The following MSRA variants were observed in gnomAD, a reference collection of about 807,000 sequenced individuals.
MSRA encodes the protein methionine sulfoxide reductase A, also known as mitochondrial peptide methionine sulfoxide reductase.
MSRA carries 54 observed loss-of-function variants against 31.3 expected under a neutral mutation model. The observed-to-expected ratio is 1.73, with a 90% CI of 1.39 to 2.17. MSRA has a LOEUF of 2.17. Among genes scored for constraint, MSRA ranks in the 30% most tolerant of loss-of-function variants. MSRA has a pLI of 0.00. For synonymous variants in MSRA, 169 were observed against 116.5 expected (o/e 1.45, Z -2.90); for missense variants, 507 against 300.9 (o/e 1.69, Z -5.07).
At chr8:10,057,573 G>T (rs1262841575) in intron 1 of MSRA, among the ~76,000 whole-genome samples, 3 of 152,098 alleles carry the variant, frequency 2.0e-5, no homozygotes, top group African/African-American at 7.2e-5. Flanking sequence ...ATCTCATTTC[G>T]AATTGTAATT....
At chr8:10,116,689 T>G (rs1310237831) in intron 1 of MSRA, among the ~76,000 whole-genome samples, 5 of 152,160 alleles carry the variant, frequency 3.3e-5, no homozygotes, top group African/African-American at 7.2e-5. Context: ...GATGGAGTTT[T>G]GAGATTACAG....
intron 1 of MSRA, chr8:10,096,061 A>C (rs1249391737): frequency 7.2e-7 from 1 of 1,386,908 alleles, no homozygotes; most frequent in East Asian, 2.6e-5. Flanking sequence ...TTTAGATTTT[A>C]TTTTATTTTA....
chr8:10,238,150 A>C (rs922169090), intron 2 of MSRA, among the ~76,000 whole-genome samples: 1 of 152,072 alleles, frequency 6.6e-6, no homozygotes, highest in African/African-American at 2.4e-5. Flanking sequence ...CCTGCCCCTT[A>C]GAAATAGCAG....
At chr8:10,185,808 A>G (rs1369700195) in intron 1 of MSRA, among the ~76,000 whole-genome samples, 2 of 151,968 alleles carry the variant, frequency 1.3e-5, no homozygotes, top group African/African-American at 4.8e-5. Context: ...GCAAGGCTCA[A>G]CTCTAATGCC....
intron 1 of MSRA, among the ~76,000 whole-genome samples, chr8:10,130,756 G>A (rs1002629617): frequency 1.3e-5 from 2 of 152,146 alleles, no homozygotes; most frequent in Non-Finnish European, 2.9e-5. Flanking sequence ...TGACAATTCT[G>A]GCGGTCGCTA....
chr8:10,147,555 A>C (rs906206715), intron 1 of MSRA, among the ~76,000 whole-genome samples: 1 of 152,204 alleles, frequency 6.6e-6, no homozygotes, highest in Non-Finnish European at 1.5e-5. Flanking sequence ...GGTGACGCCA[A>C]CCAACCGTGT....
At chr8:10,204,816 C>T (rs1022691803) in intron 1 of MSRA, among the ~76,000 whole-genome samples, 6 of 152,222 alleles carry the variant, frequency 3.9e-5, no homozygotes, top group Non-Finnish European at 8.8e-5. Context: ...AACAAATACT[C>T]ATCAAATGCC....
chr8:10,090,458 A>G (rs1309985444), intron 1 of MSRA, among the ~76,000 whole-genome samples: 1 of 152,204 alleles, frequency 6.6e-6, no homozygotes, highest in African/African-American at 2.4e-5. Flanking sequence ...AGAGGCTATA[A>G]AGGATTTTTG....
rs564352261 is a variant in MSRA, at chr8:10,375,821, T to C, written c.544-52327T>C. Reference sequence around the variant, plus strand: ...TGGTCATTTCTTTTCTCTGTAACTTTGGTTGCCCTGACTAGGTGGCTCTGA... The same window carrying C: ...TGGTCATTTCTTTTCTCTGTAACTTCGGTTGCCCTGACTAGGTGGCTCTGA... On this transcript the variant is annotated intron_variant, in intron 5 of 5. Coordinates refer to ENST00000317173, the MANE Select transcript of MSRA (RefSeq NM_012331.5). Among the ~76,000 whole-genome samples the C allele has an allele frequency of 5.1e-4, 77 of 152,342 alleles. 1 individual carries two copies. Among genetic ancestry groups the C allele is most frequent in the African/African-American group, 1.8e-3 (76 of 41,574 alleles).
intron 3 of MSRA, among the ~76,000 whole-genome samples, chr8:10,301,291 T>G (rs1800830158): frequency 6.6e-6 from 1 of 152,166 alleles, no homozygotes; most frequent in Admixed American, 6.5e-5. Context: ...TAAAACAATT[T>G]ATTAGAGCAC....
chr8:10,266,427 T>C (rs1238040791), intron 3 of MSRA, among the ~76,000 whole-genome samples: 1 of 152,220 alleles, frequency 6.6e-6, no homozygotes, highest in Admixed American at 6.5e-5. Context: ...TGTATGCTTT[T>C]TATTGGGTTA....
intron 2 of MSRA, among the ~76,000 whole-genome samples, chr8:10,231,963 C>G (rs561189261): frequency 6.6e-6 from 1 of 152,088 alleles, no homozygotes; most frequent in Non-Finnish European, 1.5e-5. Flanking sequence ...GAAGTGTATA[C>G]TTTACAGCAA....
At chr8:10,114,238 C>G (rs1800507353) in intron 1 of MSRA, among the ~76,000 whole-genome samples, 1 of 152,036 alleles carries the variant, frequency 6.6e-6, no homozygotes, top group African/African-American at 2.4e-5. Flanking sequence ...CATTTGGGTT[C>G]TTTTTACTAT....
At chr8:10,355,104 C>G (rs906848166) in intron 5 of MSRA, among the ~76,000 whole-genome samples, 1 of 152,190 alleles carries the variant, frequency 6.6e-6, no homozygotes, top group Non-Finnish European at 1.5e-5. Context: ...GCCCATAACT[C>G]TTTACTGTGT....
intron 5 of MSRA, among the ~76,000 whole-genome samples, chr8:10,355,129 G>A (rs903961081): frequency 1.9e-4 from 29 of 152,170 alleles, no homozygotes; most frequent in African/African-American, 6.8e-4. Flanking sequence ...GCCGGGTTCC[G>A]TGCACCTCCT....
At chr8:10,419,180 T>C (rs1015197996) in intron 5 of MSRA, among the ~76,000 whole-genome samples, 1 of 152,162 alleles carries the variant, frequency 6.6e-6, no homozygotes, top group Non-Finnish European at 1.5e-5. Flanking sequence ...AAGGTTCTTG[T>C]GGATTTGTAT....
At chr8:10,286,840 C>G (rs117082951) in intron 3 of MSRA, among the ~76,000 whole-genome samples, 2,119 of 152,366 alleles carry the variant, frequency 0.014, 42 homozygotes, top group Non-Finnish European at 0.02. Flanking sequence ...TAAGTATCAG[C>G]ACACTTTATA....
intron 1 of MSRA, among the ~76,000 whole-genome samples, chr8:10,117,007 T>C (rs1800736610): frequency 6.6e-6 from 1 of 152,098 alleles, no homozygotes; most frequent in African/African-American, 2.4e-5. Flanking sequence ...GGCTCAAATG[T>C]AGGTGAAATG....
At chr8:10,394,502 G>A (rs577707045) in intron 5 of MSRA, among the ~76,000 whole-genome samples, 10 of 152,328 alleles carry the variant, frequency 6.6e-5, no homozygotes, top group Non-Finnish European at 8.8e-5. Flanking sequence ...CTCATTTTCA[G>A]TTCTGACAGC....
Sources: allele counts gnomAD v4.1 joint callset (sites outside exome capture counted in the v4.1 genomes callset), GRCh38; gene constraint gnomAD v4.1.1; transcripts MANE v1.5; gene names NCBI Gene and HGNC (gene_info 2026-07-23, HGNC 2026-07-21).